Variants in ZNF704 observed in about 807,000 individuals in gnomAD.
The protein encoded by ZNF704 is zinc finger protein 704.
ZNF704 carries 10 observed loss-of-function variants against 44.7 expected under a neutral mutation model. The ratio of observed to expected loss-of-function variants is 0.22; its 90% CI spans 0.14 to 0.38. The LOEUF is 0.38. ZNF704 is among the 10% of genes least tolerant of loss of function. ZNF704 has a pLI of 1.00. For missense variants in ZNF704, 390 were observed against 545.5 expected (o/e 0.71, Z 2.84); for synonymous variants, 211 against 207.6 (o/e 1.02, Z -0.14).
intron 1 of ZNF704, among the ~76,000 whole-genome samples, chr8:80,863,152 C>G (rs1170605019): frequency 2.6e-5 from 4 of 152,114 alleles, no homozygotes; most frequent in Non-Finnish European, 4.4e-5. Context: ...GATCCCCTTT[C>G]TAATATTTCC....
intron 1 of ZNF704, among the ~76,000 whole-genome samples, chr8:80,872,013 G>A (rs1047607222): frequency 2.0e-5 from 3 of 152,138 alleles, no homozygotes; most frequent in Non-Finnish European, 4.4e-5. Context: ...TATTAAGCTT[G>A]TTTTCATCAC....
At chr8:80,790,297 T>C (rs1425716007) in intron 2 of ZNF704, among the ~76,000 whole-genome samples, 1 of 152,166 alleles carries the variant, frequency 6.6e-6, no homozygotes, top group East Asian at 1.9e-4. Flanking sequence ...GGCCTAGAGT[T>C]ACAGTGGTTG....
chr8:80,709,864 G>A (rs1196799742), intron 2 of ZNF704, among the ~76,000 whole-genome samples: 1 of 152,212 alleles, frequency 6.6e-6, no homozygotes, highest in Non-Finnish European at 1.5e-5. Context: ...CCACCACCAT[G>A]CTCCCCACAG....
intron 2 of ZNF704, among the ~76,000 whole-genome samples, chr8:80,700,746 G>C (rs903033389): frequency 1.3e-5 from 2 of 152,106 alleles, no homozygotes; most frequent in Non-Finnish European, 2.9e-5. Flanking sequence ...GGGTACTGAG[G>C]GAATCATTAG....
At chr8:80,778,539 A>G (rs1424871066) in intron 2 of ZNF704, among the ~76,000 whole-genome samples, 1 of 152,244 alleles carries the variant, frequency 6.6e-6, no homozygotes, top group Non-Finnish European at 1.5e-5. Flanking sequence ...TCATTCTACC[A>G]TAAAGACACA....
rs190736975 is a variant in ZNF704, at chr8:80,761,754, G to T, written c.221+59620C>A. ...AGGTATACTAACAATGGTCACATGG[G>T]TGTAAAAGTTATGAGAAGACAAATC... On this transcript the variant is annotated intron_variant, in intron 2 of 8. Coordinates refer to ENST00000327835, the MANE Select transcript of ZNF704 (RefSeq NM_001033723.3). 2.0e-3 allele frequency among the ~76,000 whole-genome samples: 311 copies of T among 152,282 alleles called. 1 individual carries two copies. The highest frequency in any genetic ancestry group is 3.4e-3 in the Middle Eastern group (1 of 294).
At chr8:80,668,613 G>A (rs1004799087) in intron 5 of ZNF704, among the ~76,000 whole-genome samples, 2 of 152,292 alleles carry the variant, frequency 1.3e-5, no homozygotes, top group Admixed American at 6.5e-5. Flanking sequence ...GGGACACTGC[G>A]TGTCCCACGT....
chr8:80,645,031 T>C (rs879221376), intron 7 of ZNF704: 81 of 1,297,496 alleles, frequency 6.2e-5, no homozygotes, highest in Non-Finnish European at 8.6e-5. Flanking sequence ...CTCTGCTGAA[T>C]GCCAAGATTC....
At chr8:80,836,677 C>T (rs983373762) in intron 1 of ZNF704, among the ~76,000 whole-genome samples, 21 of 151,946 alleles carry the variant, frequency 1.4e-4, no homozygotes, top group Admixed American at 7.9e-4. Context: ...CCCAGCTACT[C>T]GGGAGGCTGA....
chr8:80,806,238 T>A (rs1022744769), intron 2 of ZNF704, among the ~76,000 whole-genome samples: 5 of 152,162 alleles, frequency 3.3e-5, no homozygotes, highest in South Asian at 2.1e-4. Context: ...TTAATTTTTT[T>A]AAAAAACCAA....
At chr8:80,829,983 A>C (rs900210972) in intron 1 of ZNF704, among the ~76,000 whole-genome samples, 1 of 152,234 alleles carries the variant, frequency 6.6e-6, no homozygotes, top group African/African-American at 2.4e-5. Context: ...AGATGTAGAT[A>C]CTCATTATAT....
intron 2 of ZNF704, among the ~76,000 whole-genome samples, chr8:80,751,152 G>C (rs772436373): frequency 6.6e-6 from 1 of 152,060 alleles, no homozygotes; most frequent in Non-Finnish European, 1.5e-5. Context: ...AAAGAGGCAA[G>C]GTGGAAGAAG....
intron 8 of ZNF704, among the ~76,000 whole-genome samples, chr8:80,641,941 T>G (rs1343527093): frequency 6.6e-6 from 1 of 152,250 alleles, no homozygotes; most frequent in East Asian, 1.9e-4. Flanking sequence ...AGGCTTCTAT[T>G]TGTCTACTTG....
At chr8:80,831,672 T>C (rs956844802) in intron 1 of ZNF704, among the ~76,000 whole-genome samples, 19 of 152,190 alleles carry the variant, frequency 1.2e-4, no homozygotes, top group African/African-American at 4.1e-4. Flanking sequence ...AGAATCAGTA[T>C]GCACAGCACT....
chr8:80,777,772 G>A lies in ZNF704; in HGVS notation c.221+43602C>T, dbSNP rs181616916. Among the ~76,000 whole-genome samples the A allele has an allele frequency of 2.7e-3, 410 of 151,970 alleles. 3 individuals are homozygous for A. Among genetic ancestry groups the A allele is most frequent in the Admixed American group, 0.019 (286 of 15,254 alleles). On this transcript the variant is annotated intron_variant, in intron 2 of 8. Coordinates refer to ENST00000327835, the MANE Select transcript of ZNF704 (RefSeq NM_001033723.3). ...TGGTCACCTGTAATCCCAGCTACGCGGGAGGCTGAGGCAGGAGAATTGCTT... is the reference window on the plus strand; with the variant it reads ...TGGTCACCTGTAATCCCAGCTACGCAGGAGGCTGAGGCAGGAGAATTGCTT...
intron 1 of ZNF704, among the ~76,000 whole-genome samples, chr8:80,850,401 CA>C (rs1808838605): frequency 1.3e-5 from 2 of 151,904 alleles, no homozygotes; most frequent in South Asian, 4.2e-4. Context: ...AATTTCCCCC[CA>C]AAAAAACTTC....
chr8:80,750,821 T>C (rs964670708), intron 2 of ZNF704, among the ~76,000 whole-genome samples: 4 of 152,142 alleles, frequency 2.6e-5, no homozygotes, highest in African/African-American at 9.7e-5. Flanking sequence ...TTTAAACTTT[T>C]AGCACATTCC....
chr8:80,668,144 G>C (rs1412802399), intron 5 of ZNF704, among the ~76,000 whole-genome samples: 1 of 152,204 alleles, frequency 6.6e-6, no homozygotes, highest in Non-Finnish European at 1.5e-5. Flanking sequence ...ATGTTTATTA[G>C]ATAATTTGTG....
chr8:80,657,676 C>A, intron 7 of ZNF704, among the ~76,000 whole-genome samples: 1 of 142,270 alleles, frequency 7.0e-6, no homozygotes, highest in African/African-American at 2.7e-5. Context: ...GGGTCATGGA[C>A]TGAGACCCTG....
Sources: allele counts gnomAD v4.1 joint callset (sites outside exome capture counted in the v4.1 genomes callset), GRCh38; gene constraint gnomAD v4.1.1; transcripts MANE v1.5; gene names NCBI Gene and HGNC (gene_info 2026-07-23, HGNC 2026-07-21).